Variants in THRAP3 observed in about 807,000 individuals in gnomAD.
THRAP3 encodes the protein thyroid hormone receptor-associated protein 3.
THRAP3 carries 16 observed loss-of-function variants against 101.0 expected under a neutral mutation model. The observed-to-expected ratio is 0.16, with a 90% CI of 0.11 to 0.24. The LOEUF is 0.24. THRAP3 is among the 10% of genes least tolerant of loss of function. The pLI is 1.00. For synonymous variants in THRAP3, 407 were observed against 422.6 expected, an observed-to-expected ratio of 0.96 and a Z score of 0.45; for missense variants, 989 against 1,202.7, an observed-to-expected ratio of 0.82 and a Z score of 2.63.
At chr1:36,285,280 ATTT>A (rs1645781112) in intron 3 of THRAP3, among the ~76,000 whole-genome samples, 2 of 152,184 alleles carry the variant, frequency 1.3e-5, no homozygotes, top group African/African-American at 4.8e-5. Flanking sequence ...TTTCTAGTAA[ATTT>A]TACTTATTTG....
chr1:36,292,803 T>A, intron 7 of THRAP3, 94 bp downstream of exon 7: 1 of 904,338 alleles, frequency 1.1e-6, no homozygotes, highest in South Asian at 1.7e-5. Flanking sequence ...AATGCACCTT[T>A]AATACAAAAT....
chr1:36,295,090 G>A (rs186472592), intron 8 of THRAP3, among the ~76,000 whole-genome samples: 387 of 152,176 alleles, frequency 2.5e-3, no homozygotes, highest in Non-Finnish European at 4.2e-3. Context: ...GGGTGTGGTA[G>A]TGCATGCCTG....
intron 9 of THRAP3, among the ~76,000 whole-genome samples, chr1:36,297,471 T>C (rs1645967615): frequency 6.9e-6 from 1 of 143,982 alleles, no homozygotes; most frequent in South Asian, 2.2e-4. Flanking sequence ...TTTTTTGAGA[T>C]GGAGTCTTGC....
chr1:36,214,260 A>G, the THRAP3 span, among the ~76,000 whole-genome samples: 2 of 152,156 alleles, frequency 1.3e-5, no homozygotes, highest in African/African-American at 2.4e-5. Context: ...GTGTGGTGAG[A>G]CCTGTATAAG....
chr1:36,290,005 C>T (rs890708674), intron 5 of THRAP3, among the ~76,000 whole-genome samples: 1 of 152,154 alleles, frequency 6.6e-6, no homozygotes, highest in African/African-American at 2.4e-5. Context: ...CTGGCTCACT[C>T]TCTGTTCATC....
chr1:36,291,934 G>C (rs1645873205), intron 6 of THRAP3, among the ~76,000 whole-genome samples: 1 of 152,108 alleles, frequency 6.6e-6, no homozygotes, highest in African/African-American at 2.4e-5. Context: ...AAATGGGGTT[G>C]GGCAAGTTAG....
intron 2 of THRAP3, among the ~76,000 whole-genome samples, chr1:36,274,981 T>C (rs1645637995): frequency 6.7e-6 from 1 of 150,102 alleles, no homozygotes; most frequent in Non-Finnish European, 1.5e-5. Flanking sequence ...GGGGAAAGAA[T>C]AGTCTTTTTT....
rs1357954141 is a variant in THRAP3, at chr1:36,286,653, C to T, written c.423C>T (p.Ser141=). ...KRRSPSPRSR[S]HSRNSDKSSS... ...GGTCCCCTTCACCAAGGTCCAGGAGCCATTCTAGAAACTCTGATAAGTCGT... is the reference window on the plus strand; with the variant it reads ...GGTCCCCTTCACCAAGGTCCAGGAGTCATTCTAGAAACTCTGATAAGTCGT... The change falls in exon 4 of 12, where the codon AGC becomes AGT. Residue 141 remains serine, a synonymous_variant. Coordinates refer to ENST00000354618, the MANE Select transcript of THRAP3 (RefSeq NM_005119.4). The surrounding 1 kb of genome is among the most constrained non-coding windows in gnomAD (Gnocchi z 5.5). 2.5e-6 allele frequency: 4 copies of T among 1,614,188 alleles called. No individual in the cohort carries two copies. Among genetic ancestry groups the T allele is most frequent in the Non-Finnish European group, 3.4e-6 (4 of 1,180,036 alleles).
intron 1 of THRAP3, among the ~76,000 whole-genome samples, chr1:36,243,151 C>CTTTT (rs58340320): frequency 9.0e-3 from 535 of 59,478 alleles, no homozygotes; most frequent in Middle Eastern, 0.031. Context: ...GAGGAACTTT[C>CTTTT]TTTTTTTTTT....
At chr1:36,302,524 T>G (rs1478276735) in intron 11 of THRAP3, among the ~76,000 whole-genome samples, 2 of 152,202 alleles carry the variant, frequency 1.3e-5, no homozygotes, top group Non-Finnish European at 2.9e-5. Flanking sequence ...GGAGTGGGAC[T>G]GCTGTAGGGA....
At chr1:36,239,479 T>C (rs1645129876) in intron 1 of THRAP3, among the ~76,000 whole-genome samples, 1 of 152,038 alleles carries the variant, frequency 6.6e-6, no homozygotes, top group African/African-American at 2.4e-5. Context: ...GTTGCCCAGA[T>C]TGGTCTTTAA....
At chr1:36,217,814 C>T in the THRAP3 span, among the ~76,000 whole-genome samples, 1 of 152,118 alleles carries the variant, frequency 6.6e-6, no homozygotes, top group Admixed American at 6.6e-5. Context: ...ACTGACTGCT[C>T]CACCAACTGG....
intron 2 of THRAP3, among the ~76,000 whole-genome samples, chr1:36,275,748 G>A (rs1454710948): frequency 6.6e-6 from 1 of 152,008 alleles, no homozygotes; most frequent in African/African-American, 2.4e-5. Context: ...TGGACTAGGT[G>A]TGGTGGCTCA....
intron 1 of THRAP3, among the ~76,000 whole-genome samples, chr1:36,236,798 T>A (rs769123994): frequency 6.6e-6 from 1 of 152,240 alleles, no homozygotes; most frequent in Non-Finnish European, 1.5e-5. Context: ...CTGTTACCTC[T>A]ATGCTGAAAG....
rs377526129 is a variant in THRAP3, at chr1:36,301,520, C to G, written c.2503-33C>G. The G allele has an allele frequency of 6.2e-6, 10 of 1,606,438 alleles. No homozygotes were observed. The African/African-American group carries it at 1.3e-4, about 22-fold the overall frequency. On this transcript the variant is annotated intron_variant, in intron 10 of 11. Transcript: ENST00000354618. ...GTTTGTTCCCCATTCCTGGCATGAT[C>G]CTTTGTTCTTTTTCCCTCATTTATT...
At chr1:36,263,681 T>C (rs1334728201) in intron 2 of THRAP3, among the ~76,000 whole-genome samples, 1 of 152,180 alleles carries the variant, frequency 6.6e-6, no homozygotes, top group Non-Finnish European at 1.5e-5. Context: ...ATATTTTTTT[T>C]AAGCCGCCAG....
At chr1:36,244,749 C>T (rs1057032393) in intron 1 of THRAP3, among the ~76,000 whole-genome samples, 7 of 150,656 alleles carry the variant, frequency 4.6e-5, no homozygotes, top group Non-Finnish European at 1.0e-4. Flanking sequence ...GACAGAGTCT[C>T]GCTCTGTTGC....
chr1:36,222,325 A>C (rs1017731794), upstream of THRAP3, among the ~76,000 whole-genome samples: 1 of 152,230 alleles, frequency 6.6e-6, no homozygotes, highest in Non-Finnish European at 1.5e-5. Context: ...GGAAACTTGG[A>C]CTAACCTTAC....
rs552866449 is a variant in THRAP3 at position 36,289,582 on chromosome 1, C to T, written c.1563C>T (p.Phe521=). 2.6e-5 allele frequency: 42 copies of T among 1,614,056 alleles called. No individual in the cohort carries two copies. In the South Asian group the frequency reaches 4.2e-4, roughly 16 times the overall value. The change falls in exon 5 of 12, where the codon TTC becomes TTT. Residue 521 remains phenylalanine (F), a synonymous_variant. Coordinates refer to ENST00000354618, the MANE Select transcript of THRAP3 (RefSeq NM_005119.4). ...GHRGFVPEKN[F]RVTAYKAVQE... is the part of the protein sequence containing the mutation. The stretch of plus-strand genomic sequence containing the variant: ...GGGGCTTTGTGCCTGAGAAGAATTT[C>T]CGAGTGACTGCTTATAAAGCAGTCC...
Sources: allele counts gnomAD v4.1 joint callset (sites outside exome capture counted in the v4.1 genomes callset), GRCh38; gene constraint gnomAD v4.1.1; non-coding constraint Gnocchi (gnomAD v3.1); transcripts MANE v1.5; gene names NCBI Gene and HGNC (gene_info 2026-07-23, HGNC 2026-07-21).